Variants in SV2C observed in about 807,000 individuals in gnomAD.
SV2C encodes the protein synaptic vesicle glycoprotein 2C.
Under a neutral mutation model 79.7 loss-of-function variants are expected in SV2C, and 49 were observed. The ratio of observed to expected loss-of-function variants is 0.61; its 90% CI spans 0.49 to 0.78. The LOEUF (loss-of-function observed/expected upper bound fraction) is 0.78. SV2C is among the 30% of genes least tolerant of loss of function. SV2C has a pLI of 0.00. For missense variants in SV2C, 833 were observed against 912.9 expected, an observed-to-expected ratio of 0.91 and a Z score of 1.13; for synonymous variants, 334 against 333.2, an observed-to-expected ratio of 1.00 and a Z score of -0.03.
intron 3 of SV2C, among the ~76,000 whole-genome samples, chr5:76,202,180 A>G (rs1296948298): frequency 2.0e-5 from 3 of 147,072 alleles, no homozygotes. Context: ...TCATATTGGA[A>G]AAATGCAGTC....
rs771997327 is a variant in SV2C, at chr5:76,131,838, G to A, written c.88G>A (p.Val30Met). ...GGTGAAGAAACAAACAGTAAAGAAG[G>A]TGAATCAAGCTGTGGACCGAGCCCA... is the stretch of plus-strand genomic sequence containing the variant. ...REVKKQTVKK[V>M]NQAVDRAQDE... is the part of the protein sequence containing the mutation. The change falls in exon 2 of 13, where the codon GTG (valine) becomes ATG (methionine). Residue 30 changes from valine to methionine, a missense_variant. Val to Met is a conservative substitution (Grantham distance 21, BLOSUM62 1). Coordinates refer to ENST00000502798, the MANE Select transcript of SV2C (RefSeq NM_014979.4). 1.2e-5 allele frequency: 19 copies of A among 1,613,962 alleles called. No individual in the cohort carries two copies. Among genetic ancestry groups the A allele is most frequent in the Non-Finnish European group, 1.5e-5 (18 of 1,179,996 alleles).
chr5:76,070,081 G>A, the SV2C span, among the ~76,000 whole-genome samples: 3 of 151,980 alleles, frequency 2.0e-5, no homozygotes, highest in African/African-American at 4.8e-5. Context: ...GTCCAGTCCT[G>A]CCCCACACCT....
the SV2C span, among the ~76,000 whole-genome samples, chr5:76,038,366 T>C: frequency 5.3e-5 from 8 of 152,290 alleles, no homozygotes; most frequent in Non-Finnish European, 1.2e-4. Context: ...AAAGTGGGAA[T>C]AGTATGGGTT....
chr5:76,061,883 C>T, the SV2C span, among the ~76,000 whole-genome samples: 4 of 152,026 alleles, frequency 2.6e-5, no homozygotes, highest in Non-Finnish European at 5.9e-5. Context: ...CAAGTAATCA[C>T]GATGATATTA....
At chr5:76,120,623 T>G (rs1254761921) in intron 1 of SV2C, among the ~76,000 whole-genome samples, 1 of 147,646 alleles carries the variant, frequency 6.8e-6, no homozygotes, top group Non-Finnish European at 1.5e-5. Flanking sequence ...CGGTGTTTGG[T>G]TTTTTGTCCT....
chr5:75,966,404 C>T, the SV2C span, among the ~76,000 whole-genome samples: 2 of 152,128 alleles, frequency 1.3e-5, no homozygotes, highest in Non-Finnish European at 2.9e-5. Context: ...AAATAGGAGA[C>T]TGCAGGACTT....
chr5:76,066,458 G>A, the SV2C span, among the ~76,000 whole-genome samples: 2 of 105,700 alleles, frequency 1.9e-5, no homozygotes, highest in African/African-American at 7.2e-5. Context: ...TGGGGTGGGG[G>A]GAGGGGGGAG....
chr5:76,130,743 G>A (rs201850335), intron 1 of SV2C, among the ~76,000 whole-genome samples: 2 of 152,126 alleles, frequency 1.3e-5, no homozygotes, highest in East Asian at 3.9e-4. Flanking sequence ...AACAGGTCCT[G>A]GAAGGTCCAG....
At chr5:75,888,828 T>G in the SV2C span, among the ~76,000 whole-genome samples, 1 of 152,052 alleles carries the variant, frequency 6.6e-6, no homozygotes, top group Non-Finnish European at 1.5e-5. Flanking sequence ...ATCTTGCATA[T>G]TATCCTTTAT....
At chr5:75,882,490 C>G in the SV2C span, among the ~76,000 whole-genome samples, 17,962 of 150,616 alleles carry the variant, frequency 0.12, 1,189 homozygotes, top group African/African-American at 0.21. Context: ...TGCTACCTGA[C>G]TTCAAACTAT....
chr5:75,973,114 A>G, the SV2C span, among the ~76,000 whole-genome samples: 6 of 151,840 alleles, frequency 4.0e-5, no homozygotes, highest in East Asian at 3.9e-4. Context: ...CTCATAGGTG[A>G]GAATTGAACA....
At chr5:75,915,635 G>A in the SV2C span, among the ~76,000 whole-genome samples, 6 of 152,330 alleles carry the variant, frequency 3.9e-5, no homozygotes, top group South Asian at 1.2e-3. Context: ...GCTATTTCGA[G>A]AAGGAACATG....
chr5:75,871,295 A>G, the SV2C span, among the ~76,000 whole-genome samples: 16 of 152,334 alleles, frequency 1.1e-4, no homozygotes, highest in Non-Finnish European at 2.9e-5. Context: ...ACAGTTAGGC[A>G]ATGAAAGGAC....
the SV2C span, among the ~76,000 whole-genome samples, chr5:75,928,603 A>G: frequency 6.6e-6 from 1 of 152,198 alleles, no homozygotes; most frequent in Non-Finnish European, 1.5e-5. Flanking sequence ...CAACCTTAGA[A>G]GGATATATAA....
chr5:76,027,521 G>A, the SV2C span, among the ~76,000 whole-genome samples: 4 of 152,078 alleles, frequency 2.6e-5, no homozygotes, highest in Non-Finnish European at 5.9e-5. Flanking sequence ...TTGACAAAAT[G>A]TCTTGAAAAC....
At chr5:76,296,447 TTC>T (rs1013841024) in intron 9 of SV2C, among the ~76,000 whole-genome samples, 1 of 152,186 alleles carries the variant, frequency 6.6e-6, no homozygotes, top group African/African-American at 2.4e-5. Flanking sequence ...ACAGGAATCA[TTC>T]CCCAAAGTAA....
intron 2 of SV2C, among the ~76,000 whole-genome samples, chr5:76,166,551 G>C (rs563254793): frequency 1.3e-5 from 2 of 152,136 alleles, no homozygotes; most frequent in South Asian, 4.2e-4. Flanking sequence ...AGCTACCTTT[G>C]TAGATGTCAT....
the SV2C span, among the ~76,000 whole-genome samples, chr5:75,889,526 G>A: frequency 6.6e-6 from 1 of 152,158 alleles, no homozygotes; most frequent in Admixed American, 6.5e-5. Context: ...TTGGTTCCAA[G>A]TCTTTGCTAT....
At chr5:76,310,076 A>G (rs1440161194) in intron 12 of SV2C, among the ~76,000 whole-genome samples, 1 of 152,172 alleles carries the variant, frequency 6.6e-6, no homozygotes, top group Non-Finnish European at 1.5e-5. Flanking sequence ...TATGGAATGC[A>G]TATCCTGTGC....
Sources: allele counts gnomAD v4.1 joint callset (sites outside exome capture counted in the v4.1 genomes callset), GRCh38; gene constraint gnomAD v4.1.1; transcripts MANE v1.5; gene names NCBI Gene and HGNC (gene_info 2026-07-23, HGNC 2026-07-21).